The following DESI2 variants were observed in gnomAD, a reference collection of about 807,000 sequenced individuals.
DESI2 encodes deubiquitinase DESI2.
Under a neutral mutation model 24.1 loss-of-function variants are expected in DESI2, and 10 were observed. That is an observed-to-expected ratio of 0.41 (90% CI 0.26 to 0.70). The LOEUF (loss-of-function observed/expected upper bound fraction) is 0.70, where lower values mean the gene tolerates loss of function less well. Ranked by LOEUF, DESI2 falls within the 30% of genes least tolerant of loss-of-function variation. The probability of loss-of-function intolerance (pLI) is 0.29; values close to 1 mark genes in which losing one functional copy is unlikely to be tolerated. For missense variants in DESI2, 122 were observed against 234.9 expected (o/e 0.52, Z 3.14); for synonymous variants, 71 against 87.7 (o/e 0.81, Z 1.06).
At chr1:244,688,530 T>C (rs1367870188) in intron 2 of DESI2, among the ~76,000 whole-genome samples, 1 of 152,216 alleles carries the variant, frequency 6.6e-6, no homozygotes, top group East Asian at 1.9e-4. Flanking sequence ...CTACTAAGAC[T>C]TAGCCACTGA....
At chr1:244,701,842 G>A (rs768572660) in intron 4 of DESI2, among the ~76,000 whole-genome samples, 6 of 152,064 alleles carry the variant, frequency 3.9e-5, no homozygotes, top group Non-Finnish European at 8.8e-5. Flanking sequence ...TCCTTGTGTG[G>A]ATGTACCATA....
rs142266468 is a variant in DESI2, at chr1:244,679,285, T to A, written c.43-7312T>A. On this transcript the variant is annotated intron_variant, in intron 1 of 4. Transcript: ENST00000302550. ...TTTTTCTGTGAAAAGGGGGAGAAAG[T>A]AAGAGGATAGCAAGAAACTTAGAAA... Among the ~76,000 whole-genome samples, 1,260 of 152,248 alleles carry A rather than the reference T, an allele frequency of 8.3e-3. 12 individuals carry two copies. Among genetic ancestry groups the A allele is most frequent in the Non-Finnish European group, 0.013 (885 of 67,994 alleles).
At chr1:244,659,863 C>T (rs1675777764) in intron 1 of DESI2, among the ~76,000 whole-genome samples, 1 of 152,196 alleles carries the variant, frequency 6.6e-6, no homozygotes, top group South Asian at 2.1e-4. Flanking sequence ...AAAATTGTTT[C>T]ATCATAGCAG....
chr1:244,662,935 G>A (rs1476452642), intron 1 of DESI2, among the ~76,000 whole-genome samples: 1 of 152,070 alleles, frequency 6.6e-6, no homozygotes, highest in Non-Finnish European at 1.5e-5. Flanking sequence ...AGATTCAGTA[G>A]GATCATTGAA....
At chr1:244,656,228 T>C (rs1675642081) in intron 1 of DESI2, 1 of 152,214 alleles carries the variant, frequency 6.6e-6, no homozygotes, top group Non-Finnish European at 1.5e-5. Context: ...CCTCTTGCCA[T>C]GTGTCCTTGT....
chr1:244,683,843 A>G (rs1031286399), intron 1 of DESI2, among the ~76,000 whole-genome samples: 8 of 151,058 alleles, frequency 5.3e-5, no homozygotes, highest in African/African-American at 1.9e-4. Context: ...CAGCCTCCCA[A>G]GTAGCTAGGA....
chr1:244,663,617 A>G (rs1675930521), intron 1 of DESI2, among the ~76,000 whole-genome samples: 1 of 152,250 alleles, frequency 6.6e-6, no homozygotes, highest in Non-Finnish European at 1.5e-5. Flanking sequence ...TCTACAGAGT[A>G]TTAAAAGGGA....
rs188882245 is a variant in DESI2 at position 244,653,853 on chromosome 1, G to C, written c.42+498G>C. On this transcript the variant is annotated intron_variant, in intron 1 of 4. Coordinates refer to ENST00000302550, the MANE Select transcript of DESI2 (RefSeq NM_016076.5). ...AGAAGGTCACAGCTTTCGGGTGCCT[G>C]TGCTAGAATCTCTTCAAAGGTGAAC... The C allele has an allele frequency of 1.7e-4, 79 of 451,882 alleles. No individual in the cohort carries two copies. The East Asian group carries it at 3.2e-3, about 18-fold the overall frequency. 28.0% of individuals were successfully genotyped at this position (451,882 alleles called of 1,614,324 possible).
intron 4 of DESI2, among the ~76,000 whole-genome samples, chr1:244,702,733 C>T (rs1032404511): frequency 6.6e-6 from 1 of 152,158 alleles, no homozygotes; most frequent in Non-Finnish European, 1.5e-5. Flanking sequence ...AGATAGGACT[C>T]TGTTGTAGGC....
intron 1 of DESI2, among the ~76,000 whole-genome samples, chr1:244,657,088 AT>A (rs1300867828): frequency 3.9e-5 from 6 of 152,248 alleles, no homozygotes; most frequent in African/African-American, 1.4e-4. Context: ...CAATTTTATT[AT>A]AAAGTAGTAC....
chr1:244,682,500 A>G (rs977661018), intron 1 of DESI2, among the ~76,000 whole-genome samples: 4 of 152,162 alleles, frequency 2.6e-5, no homozygotes, highest in African/African-American at 9.6e-5. Context: ...GAAGTCTCCT[A>G]TCTCTTTCCC....
At chr1:244,657,659 A>G (rs1235948932) in intron 1 of DESI2, among the ~76,000 whole-genome samples, 2 of 152,180 alleles carry the variant, frequency 1.3e-5, no homozygotes, top group African/African-American at 2.4e-5. Flanking sequence ...CTGTGCCATC[A>G]AGAACCAGGA....
At chr1:244,676,139 C>T (rs1235824508) in intron 1 of DESI2, among the ~76,000 whole-genome samples, 8 of 151,722 alleles carry the variant, frequency 5.3e-5, no homozygotes, top group South Asian at 4.2e-4. Context: ...TGCAGTGGCG[C>T]GATCTCAGCT....
chr1:244,704,025 G>GTGGTTAGCACATGC (rs1276497371), intron 4 of DESI2, among the ~76,000 whole-genome samples: 1 of 152,186 alleles, frequency 6.6e-6, no homozygotes, highest in Non-Finnish European at 1.5e-5. Flanking sequence ...GTAATCAAAA[G>GTGGTTAGCACATGC]TGGTTAGCAC....
intron 4 of DESI2, among the ~76,000 whole-genome samples, chr1:244,703,816 G>C (rs769769897): frequency 6.6e-5 from 10 of 151,972 alleles, no homozygotes; most frequent in African/African-American, 9.7e-5. Context: ...CCGCCACCAC[G>C]CCTAGCTAAT....
At chr1:244,655,587 A>C (rs1558647420) in intron 1 of DESI2, among the ~76,000 whole-genome samples, 1 of 152,216 alleles carries the variant, frequency 6.6e-6, no homozygotes, top group Non-Finnish European at 1.5e-5. Context: ...GATACACAAC[A>C]GTGGCAACAA....
At chr1:244,661,440 A>G (rs943961673) in intron 1 of DESI2, among the ~76,000 whole-genome samples, 5 of 152,096 alleles carry the variant, frequency 3.3e-5, no homozygotes, top group Non-Finnish European at 7.4e-5. Flanking sequence ...TTTAAGTTCT[A>G]GGGTACATGT....
intron 4 of DESI2, among the ~76,000 whole-genome samples, chr1:244,703,862 G>T (rs1677582598): frequency 6.6e-6 from 1 of 152,050 alleles, no homozygotes; most frequent in African/African-American, 2.4e-5. Flanking sequence ...GTTTCACTGT[G>T]TTAGCCAGGA....
intron 1 of DESI2, among the ~76,000 whole-genome samples, chr1:244,679,763 TGG>T (rs1676539155): frequency 6.6e-6 from 1 of 150,462 alleles, no homozygotes; most frequent in African/African-American, 2.5e-5. Context: ...CCCCCTTGCA[TGG>T]CTGAGGCACA....
Sources: gnomAD v4.1 joint callset for allele counts (sites outside exome capture counted in the v4.1 genomes callset) on GRCh38, gnomAD v4.1.1 for gene constraint, MANE v1.5 for transcripts, NCBI Gene and HGNC (gene_info 2026-07-23, HGNC 2026-07-21) for gene names.